The following PKHD1L1 variants were observed in gnomAD, a reference collection of about 807,000 sequenced individuals.
PKHD1L1 encodes the protein fibrocystin-L.
PKHD1L1 carries 434 observed loss-of-function variants against 462.9 expected under a neutral mutation model. That is an observed-to-expected ratio of 0.94 (90% confidence interval 0.87 to 1.02). The LOEUF is 1.02. Ranked by LOEUF, PKHD1L1 falls within the 50% of genes least tolerant of loss-of-function variation. The pLI, the probability that PKHD1L1 is intolerant of heterozygous loss-of-function variation, is 0.00. For synonymous variants in PKHD1L1, 1,781 were observed against 1,750.0 expected (o/e 1.02, Z -0.44); for missense variants, 5,202 against 5,096.1 (o/e 1.02, Z -0.63).
At chr8:109,406,878 A>T (rs1285210527) in intron 17 of PKHD1L1, among the ~76,000 whole-genome samples, 1 of 152,124 alleles carries the variant, frequency 6.6e-6, no homozygotes, top group East Asian at 1.9e-4. Flanking sequence ...TTCCTTGAAG[A>T]TTGACAGAGC....
chr8:109,483,181 A>G (rs1818356737), intron 57 of PKHD1L1, 76 bp downstream of exon 57: 2 of 962,738 alleles, frequency 2.1e-6, no homozygotes, highest in Non-Finnish European at 2.9e-6. Flanking sequence ...TTCTACTCTC[A>G]TGGGCATTCA....
Position 109,425,084 on chromosome 8 carries a change from G to A in PKHD1L1, c.2698-1G>A, listed in dbSNP as rs1008346374. ...TTATCAATATTTATTTTGGAAATTAGATAATCACACATGAGACAGAGAACG... is the reference window on the plus strand; with the variant it reads ...TTATCAATATTTATTTTGGAAATTAAATAATCACACATGAGACAGAGAACG... On this transcript the variant is annotated splice_acceptor_variant, in intron 23 of 77. Transcript: ENST00000378402. LOFTEE classifies it high-confidence loss of function. 7 of 1,561,272 alleles carry A rather than the reference G, an allele frequency of 4.5e-6. No individual in the cohort carries two copies. Among genetic ancestry groups the A allele is most frequent in the Non-Finnish European group, 6.0e-6 (7 of 1,160,142 alleles).
Position 109,408,306 on chromosome 8 carries a change from A to T in PKHD1L1, c.1971+100A>T, listed in dbSNP as rs1813668296. ...GATGGGAAAGAGATGTTACTTCAAA[A>T]AAAATCACTGCAAATTATTTATCAC... On this transcript the variant is annotated intron_variant, in intron 18 of 77. Transcript: ENST00000378402. 4.5e-6 allele frequency: 5 copies of T among 1,106,336 alleles called. No individual in the cohort carries two copies. In the African/African-American group the frequency reaches 4.7e-5, roughly 10 times the overall value. The allele number at this position is 1,106,336 out of a possible 1,614,324, so 68.5% of individuals were successfully genotyped here. A position where few individuals can be genotyped will look rare whatever the true frequency, so the allele number is the denominator to read the frequency against.
chr8:109,408,580 A>C (rs1035178821), intron 18 of PKHD1L1, among the ~76,000 whole-genome samples: 2 of 152,210 alleles, frequency 1.3e-5, no homozygotes, highest in Non-Finnish European at 2.9e-5. Flanking sequence ...AAGCTTAGCT[A>C]TAAAGTATTG....
chr8:109,477,456 T>C (rs1818049990), intron 53 of PKHD1L1, 60 bp downstream of exon 53: 1 of 1,416,660 alleles, frequency 7.1e-7, no homozygotes, highest in African/African-American at 1.4e-5. Context: ...CCTTTTCACA[T>C]GTCACTCCTG....
At chr8:109,370,701 T>C (rs1811460679) in intron 2 of PKHD1L1, among the ~76,000 whole-genome samples, 1 of 152,020 alleles carries the variant, frequency 6.6e-6, no homozygotes, top group African/African-American at 2.4e-5. Context: ...ATGTTCCCCT[T>C]CCTGTGTCCA....
chr8:109,419,911 A>T (rs1310068348), intron 22 of PKHD1L1, among the ~76,000 whole-genome samples: 1 of 149,142 alleles, frequency 6.7e-6, no homozygotes, highest in East Asian at 2.0e-4. Flanking sequence ...GAGTTAACTG[A>T]TTTTTTTTTT....
intron 41 of PKHD1L1, among the ~76,000 whole-genome samples, chr8:109,451,639 T>C (rs1816523059): frequency 6.6e-6 from 1 of 152,230 alleles, no homozygotes. Flanking sequence ...ATTGTCATCA[T>C]TATTCAGGTG....
At chr8:109,481,371 T>C in intron 55 of PKHD1L1, 62 bp from the exon 56 acceptor site, 1 of 1,459,416 alleles carries the variant, frequency 6.9e-7, no homozygotes, top group Non-Finnish European at 9.1e-7. Context: ...ATTCCTTTTT[T>C]ATGGGTGGAT....
At chr8:109,440,283 A>G (rs1390285451) in intron 32 of PKHD1L1, among the ~76,000 whole-genome samples, 2 of 152,252 alleles carry the variant, frequency 1.3e-5, no homozygotes, top group East Asian at 3.9e-4. Context: ...TGGAATAATA[A>G]CTTCAAATTA....
intron 61 of PKHD1L1, 104 bp from the exon 62 acceptor site, chr8:109,491,769 A>G (rs1818837851): frequency 1.8e-6 from 2 of 1,133,450 alleles, no homozygotes; most frequent in South Asian, 4.2e-5. Flanking sequence ...TCAAAGTAGA[A>G]AAATAATTTT....
At chr8:109,413,127 A>T (rs1301777877) in intron 20 of PKHD1L1, among the ~76,000 whole-genome samples, 11 of 152,126 alleles carry the variant, frequency 7.2e-5, no homozygotes, top group Non-Finnish European at 1.5e-5. Flanking sequence ...GTTAGTACAT[A>T]ACTCATCTCT....
rs1817332459 is a variant in PKHD1L1, at chr8:109,464,712, T to C, written c.7880T>C (p.Phe2627Ser). 1 of 1,613,826 alleles carries C rather than the reference T, an allele frequency of 6.2e-7. No homozygotes were observed. Among genetic ancestry groups the C allele is most frequent in the South Asian group, 1.1e-5 (1 of 91,072 alleles). ...CAAGGTTGGTTTGGAATGTGGATCT[T>C]TGAGGAATATTTCCCCATGCAAACG... ...HSQGWFGMWI[F>S]EEYFPMQTGS... The change falls in exon 49 of 78, where the codon TTT (phenylalanine) becomes TCT (serine). Residue 2627 changes from phenylalanine to serine, a missense_variant. Physicochemically the swap from Phe to Ser is radical, Grantham distance 155 (BLOSUM62 -2). This residue lies in a region of PKHD1L1 where 4,497 missense variants were observed against 4,336.8 expected (regional missense o/e 1.04). Transcript: ENST00000378402.
intron 2 of PKHD1L1, among the ~76,000 whole-genome samples, chr8:109,378,885 T>A (rs1328551550): frequency 6.6e-6 from 1 of 152,174 alleles, no homozygotes; most frequent in Non-Finnish European, 1.5e-5. Flanking sequence ...ATAGTGAGCA[T>A]AAAGCATGCA....
At chr8:109,410,108 T>C in intron 19 of PKHD1L1, 130 bp downstream of exon 19, 1 of 540,366 alleles carries the variant, frequency 1.9e-6, no homozygotes, top group South Asian at 3.4e-5. Flanking sequence ...AAAAATGACT[T>C]TGTTATACAT....
At position 109,412,343 on chromosome 8, in the gene PKHD1L1, C is replaced by G; in HGVS notation, c.2164C>G (p.Leu722Val). 6.2e-7 allele frequency: 1 copy of G among 1,613,740 alleles called. No homozygotes were observed. The highest frequency in any genetic ancestry group is 8.5e-7 in the Non-Finnish European group (1 of 1,179,732). Residue 722 changes from leucine to valine, a missense_variant, in exon 20 of 78, where the codon CTT (leucine) becomes GTT (valine). Transcript: ENST00000378402. ...TTATTCCCTGAAAAACCCAGCTGTTCTTTTTGACTCAGCAGATGTTAAACC... is the reference window on the plus strand; with the variant it reads ...TTATTCCCTGAAAAACCCAGCTGTTGTTTTTGACTCAGCAGATGTTAAACC... ...GRYSLKNPAV[L>V]FDSADVKPNR...
Position 109,401,742 on chromosome 8 carries a change from G to A in PKHD1L1, c.1373+154G>A, listed in dbSNP as rs375558943. Among the ~76,000 whole-genome samples the A allele has an allele frequency of 2.4e-3, 358 of 152,202 alleles. 1 individual carries two copies. Among genetic ancestry groups the A allele is most frequent in the South Asian group, 4.4e-3 (21 of 4,818 alleles). ...TCATTCTCTATAATTTTATTCAAAT[G>A]TGTTTCTTGATTTTCAAGAATACTG... On this transcript the variant is annotated intron_variant, in intron 14 of 77. Transcript: ENST00000378402.
intron 2 of PKHD1L1, among the ~76,000 whole-genome samples, chr8:109,365,461 T>C (rs188400010): frequency 6.6e-6 from 1 of 152,344 alleles, no homozygotes; most frequent in Admixed American, 6.5e-5. Context: ...ATGCTTAAAA[T>C]GGTTTATACT....
At chr8:109,480,772 TAA>T (rs1818237234) in intron 55 of PKHD1L1, 1 of 286,450 alleles carries the variant, frequency 3.5e-6, no homozygotes, top group African/African-American at 2.2e-5. Flanking sequence ...AGAAAAGGAA[TAA>T]AGTCCAGAAA....
Sources: allele counts gnomAD v4.1 joint callset (sites outside exome capture counted in the v4.1 genomes callset), GRCh38; gene constraint gnomAD v4.1.1; regional missense constraint gnomAD v4.1.1; transcripts MANE v1.5; gene names NCBI Gene and HGNC (gene_info 2026-07-23, HGNC 2026-07-21).